The following CTNNA3 variants were observed in gnomAD, a reference collection of about 807,000 sequenced individuals.
CTNNA3 encodes catenin alpha 3, also known as catenin alpha-3.
Under a neutral mutation model 95.7 loss-of-function variants are expected in CTNNA3, and 76 were observed. The ratio of observed to expected loss-of-function variants is 0.79; its 90% CI spans 0.66 to 0.96. The LOEUF (loss-of-function observed/expected upper bound fraction) is 0.96. Among genes scored for constraint, CTNNA3 ranks in the 40% least tolerant of loss-of-function variants. The probability of loss-of-function intolerance (pLI) is 0.00; values close to 1 mark genes in which losing one functional copy is unlikely to be tolerated. For synonymous variants in CTNNA3, 431 were observed against 374.4 expected (o/e 1.15, Z -1.74); for missense variants, 1,191 against 1,089.8 (o/e 1.09, Z -1.31).
At chr10:66,356,629 G>C (rs1402691840) in intron 12 of CTNNA3, among the ~76,000 whole-genome samples, 1 of 151,854 alleles carries the variant, frequency 6.6e-6, no homozygotes, top group Non-Finnish European at 1.5e-5. Flanking sequence ...GCACTGACTA[G>C]AACCTTTAAT....
chr10:67,596,123 T>C (rs1047834437), intron 3 of CTNNA3, among the ~76,000 whole-genome samples: 3 of 152,218 alleles, frequency 2.0e-5, no homozygotes, highest in Admixed American at 2.0e-4. Flanking sequence ...TTAACCCATT[T>C]ACATTTATGG....
Position 66,006,179 on chromosome 10 carries a change from A to AT in CTNNA3, c.2160-17383dup, listed in dbSNP as rs201033425. On this transcript the variant is annotated intron_variant, in intron 15 of 17. Transcript: ENST00000433211. ...AGGCACCCACCACCGTGCCCGGCTA[A>AT]TTTTTTTGTATTTTTAGTAGAGACG... 6.3e-3 allele frequency among the ~76,000 whole-genome samples: 952 copies of AT among 151,540 alleles called. 8 individuals are homozygous for AT. Among genetic ancestry groups the AT allele is most frequent in the African/African-American group, 0.022 (907 of 41,314 alleles).
chr10:65,980,196 C>A (rs1347810266), intron 16 of CTNNA3, among the ~76,000 whole-genome samples: 1 of 151,874 alleles, frequency 6.6e-6, no homozygotes, highest in Non-Finnish European at 1.5e-5. Context: ...ACTATGAACA[C>A]CTTTACATAC....
chr10:67,414,850 T>C (rs1845489020), intron 5 of CTNNA3, among the ~76,000 whole-genome samples: 1 of 152,202 alleles, frequency 6.6e-6, no homozygotes, highest in South Asian at 2.1e-4. Context: ...CATATTTGCG[T>C]TTGTTGCACA....
intron 5 of CTNNA3, among the ~76,000 whole-genome samples, chr10:67,286,570 A>G (rs1471787395): frequency 1.3e-5 from 2 of 152,182 alleles, no homozygotes; most frequent in Admixed American, 1.3e-4. Context: ...GGTGCCTTTT[A>G]TCTGCCCCCT....
chr10:67,567,756 C>T (rs1373344911), intron 3 of CTNNA3, among the ~76,000 whole-genome samples: 1 of 152,052 alleles, frequency 6.6e-6, no homozygotes, highest in Non-Finnish European at 1.5e-5. Flanking sequence ...TTAATGGAAG[C>T]TTGCCACTGC....
intron 7 of CTNNA3, among the ~76,000 whole-genome samples, chr10:66,932,785 C>T (rs1847480628): frequency 6.6e-6 from 1 of 152,056 alleles, no homozygotes; most frequent in Non-Finnish European, 1.5e-5. Context: ...CTTTTAGCCT[C>T]CAAAAGTTGG....
At chr10:66,100,730 G>A (rs185718328) in intron 14 of CTNNA3, among the ~76,000 whole-genome samples, 2 of 152,230 alleles carry the variant, frequency 1.3e-5, no homozygotes, top group Admixed American at 6.5e-5. Flanking sequence ...TAGCTGGCCT[G>A]GCCTATACTT....
intron 13 of CTNNA3, among the ~76,000 whole-genome samples, chr10:66,273,015 A>G (rs536276502): frequency 4.3e-4 from 65 of 152,290 alleles, no homozygotes; most frequent in African/African-American, 1.5e-3. Context: ...AGCAAAACTA[A>G]TACCAGTTTC....
chr10:66,882,383 T>C (rs142930481), intron 7 of CTNNA3, among the ~76,000 whole-genome samples: 1 of 152,284 alleles, frequency 6.6e-6, no homozygotes. Flanking sequence ...CCAGTGCTTT[T>C]GGCCTTGAAT....
chr10:66,005,467 C>A (rs952361280), intron 15 of CTNNA3, among the ~76,000 whole-genome samples: 1 of 152,212 alleles, frequency 6.6e-6, no homozygotes, highest in Admixed American at 6.5e-5. Flanking sequence ...GTGAAAGGGT[C>A]AGGTTCTTGG....
At chr10:67,041,509 T>C (rs1854394067) in intron 7 of CTNNA3, among the ~76,000 whole-genome samples, 1 of 152,156 alleles carries the variant, frequency 6.6e-6, no homozygotes, top group African/African-American at 2.4e-5. Flanking sequence ...CAGTCCTCTT[T>C]TTCTCCTTTC....
intron 1 of CTNNA3, among the ~76,000 whole-genome samples, chr10:67,660,727 C>T (rs973083017): frequency 1.3e-5 from 2 of 151,914 alleles, no homozygotes; most frequent in Non-Finnish European, 1.5e-5. Context: ...GTCAGGAGAT[C>T]GAGACCATCC....
intron 5 of CTNNA3, among the ~76,000 whole-genome samples, chr10:67,398,200 G>A (rs1844788087): frequency 6.6e-6 from 1 of 152,224 alleles, no homozygotes; most frequent in African/African-American, 2.4e-5. Context: ...AGTGAAAGTA[G>A]CCAGGAGGGT....
At chr10:67,219,986 C>A in intron 5 of CTNNA3, 116 bp from the exon 6 acceptor site, 2 of 797,590 alleles carry the variant, frequency 2.5e-6, no homozygotes, top group South Asian at 4.1e-5. Flanking sequence ...ATGAAGAAGT[C>A]AGCTATAAGT....
chr10:66,136,536 C>T (rs1325162255), intron 13 of CTNNA3, among the ~76,000 whole-genome samples: 1 of 151,680 alleles, frequency 6.6e-6, no homozygotes, highest in Non-Finnish European at 1.5e-5. Context: ...GTTATACACA[C>T]AGCAAAATAT....
chr10:67,297,831 G>A (rs375767841), intron 5 of CTNNA3, among the ~76,000 whole-genome samples: 6 of 152,140 alleles, frequency 3.9e-5, no homozygotes, highest in African/African-American at 9.7e-5. Context: ...TGCATCCTGC[G>A]GTCATGTAGG....
chr10:67,296,849 G>A (rs549935875), intron 5 of CTNNA3, among the ~76,000 whole-genome samples: 4 of 145,994 alleles, frequency 2.7e-5, no homozygotes, highest in African/African-American at 5.1e-5. Flanking sequence ...CAGGAGAATC[G>A]CTTCAACCCG....
intron 14 of CTNNA3, among the ~76,000 whole-genome samples, chr10:66,084,309 T>C (rs934213328): frequency 1.3e-5 from 2 of 152,070 alleles, no homozygotes; most frequent in Non-Finnish European, 2.9e-5. Flanking sequence ...AATATTTGAC[T>C]ATTCTGTTGC....
Sources: gnomAD v4.1 joint callset for allele counts (sites outside exome capture counted in the v4.1 genomes callset) on GRCh38, gnomAD v4.1.1 for gene constraint, MANE v1.5 for transcripts, NCBI Gene and HGNC (gene_info 2026-07-23, HGNC 2026-07-21) for gene names.